GRAMD1B: variants seen among roughly 807,000 people sequenced by gnomAD.
The protein encoded by GRAMD1B is GRAM domain containing 1B, also known as protein Aster-B.
Under a neutral mutation model 99.7 loss-of-function variants are expected in GRAMD1B, and 37 were observed. That is an observed-to-expected ratio of 0.37 (90% CI 0.29 to 0.49). The LOEUF (loss-of-function observed/expected upper bound fraction) is 0.49, where lower values mean the gene tolerates loss of function less well. GRAMD1B is among the 20% of genes least tolerant of loss of function. GRAMD1B has a pLI of 0.98. For missense variants in GRAMD1B, 888 were observed against 1,009.2 expected (o/e 0.88, Z 1.63); for synonymous variants, 427 against 387.6 (o/e 1.10, Z -1.19).
intron 1 of GRAMD1B, among the ~76,000 whole-genome samples, chr11:123,410,966 A>C (rs961285852): frequency 6.6e-6 from 1 of 151,914 alleles, no homozygotes; most frequent in African/African-American, 2.4e-5. Context: ...CTCTGATAGC[A>C]CATCTCACTG....
rs115694580 is a variant in GRAMD1B at position 123,620,837 on chromosome 11, G to C, written c.2544+1613G>C. 8.7e-3 allele frequency among the ~76,000 whole-genome samples: 1,328 copies of C among 152,328 alleles called. 31 individuals carry two copies. Among genetic ancestry groups the C allele is most frequent in the African/African-American group, 0.03 (1,256 of 41,576 alleles). On this transcript the variant is annotated intron_variant, in intron 19 of 19. Transcript: ENST00000635736. ...ATGCAAACAACTTGTGGCTAATGCT[G>C]TCCAGCAATGGAACAGGCTACTGTA...
chr11:123,476,203 T>A (rs1480901509), intron 1 of GRAMD1B, among the ~76,000 whole-genome samples: 1 of 151,798 alleles, frequency 6.6e-6, no homozygotes, highest in Non-Finnish European at 1.5e-5. Context: ...CAGGTTCAAG[T>A]GATTCTCCTG....
intron 2 of GRAMD1B, among the ~76,000 whole-genome samples, chr11:123,546,052 A>G (rs1449037569): frequency 1.3e-5 from 2 of 152,262 alleles, no homozygotes; most frequent in Non-Finnish European, 2.9e-5. Flanking sequence ...AGGGCCCAGA[A>G]GCCACATCTA....
chr11:123,426,051 G>A (rs189883517), upstream of GRAMD1B, among the ~76,000 whole-genome samples: 202 of 152,292 alleles, frequency 1.3e-3, no homozygotes, highest in African/African-American at 4.5e-3. Flanking sequence ...AGCTATTTGT[G>A]GGTCTCAGGG....
At chr11:123,598,060 T>C in intron 7 of GRAMD1B, 4 of 1,463,074 alleles carry the variant, frequency 2.7e-6, no homozygotes, top group African/African-American at 1.4e-5. Flanking sequence ...CCTTCTGCAA[T>C]TTCAGTTTGG....
chr11:123,577,224 C>T, intron 2 of GRAMD1B, 143 bp from the exon 3 acceptor site: 1 of 715,616 alleles, frequency 1.4e-6, no homozygotes, highest in African/African-American at 1.7e-5. Context: ...GCCTGGGCCC[C>T]TCTCTCCCGG....
intron 1 of GRAMD1B, among the ~76,000 whole-genome samples, chr11:123,456,282 G>A (rs1950114179): frequency 6.6e-6 from 1 of 152,170 alleles, no homozygotes; most frequent in Admixed American, 6.5e-5. Flanking sequence ...GCACCAGAGG[G>A]TTAAGAAAAA....
At chr11:123,375,678 G>A (rs1465918229) in intron 1 of GRAMD1B, among the ~76,000 whole-genome samples, 1 of 152,174 alleles carries the variant, frequency 6.6e-6, no homozygotes, top group African/African-American at 2.4e-5. Context: ...CTTGAACACT[G>A]GGCAAGGTTT....
At position 123,619,155 on chromosome 11, in the gene GRAMD1B, A is replaced by G. The variant is rs1402669605; in HGVS notation, c.2475A>G (p.Gln825=). 1 of 1,571,492 alleles carries G rather than the reference A, an allele frequency of 6.4e-7. No individual in the cohort carries two copies. The highest frequency in any genetic ancestry group is 8.6e-7 in the Non-Finnish European group (1 of 1,158,228). Residue 825 remains glutamine, a synonymous_variant, in exon 19 of 20, where the codon CAA becomes CAG. Transcript: ENST00000635736. ...TEWAQLLESQ[Q]KYHDTELQKW... is the part of the protein sequence containing the mutation. ...GGGCCCAGCTCTTAGAGTCCCAACA[A>G]AAGTACCACGATACTGAGCTCCAAA... is the stretch of plus-strand genomic sequence containing the variant.
intron 2 of GRAMD1B, among the ~76,000 whole-genome samples, chr11:123,507,719 G>T (rs1215076695): frequency 6.6e-6 from 1 of 152,136 alleles, no homozygotes; most frequent in Non-Finnish European, 1.5e-5. Context: ...ATAGTCCCAA[G>T]ATTTTTTCCT....
At chr11:123,541,601 G>C (rs1275606115) in intron 2 of GRAMD1B, among the ~76,000 whole-genome samples, 2 of 150,240 alleles carry the variant, frequency 1.3e-5, no homozygotes, top group Non-Finnish European at 3.0e-5. Flanking sequence ...TTATTCGTTG[G>C]AACTCTTTAA....
At chr11:123,583,306 G>A (rs1304063596) in intron 3 of GRAMD1B, among the ~76,000 whole-genome samples, 4 of 150,314 alleles carry the variant, frequency 2.7e-5, no homozygotes, top group African/African-American at 9.8e-5. Context: ...GTGAATGTGT[G>A]TGTGCACGTG....
chr11:123,435,937 CTTTTTTTTTT>C (rs10647186), intron 1 of GRAMD1B, among the ~76,000 whole-genome samples: 5 of 95,704 alleles, frequency 5.2e-5, no homozygotes, highest in Admixed American at 2.8e-4. Flanking sequence ...GAAACTCATA[CTTTTTTTTTT>C]TTTTTTTTTT....
intron 8 of GRAMD1B, 131 bp downstream of exon 8, chr11:123,600,679 T>C (rs899591267): frequency 6.8e-6 from 4 of 586,614 alleles, no homozygotes; most frequent in Admixed American, 6.3e-5. Flanking sequence ...GTCCTGAAAG[T>C]AGCATATAAT....
chr11:123,409,812 C>T (rs2135962177), intron 1 of GRAMD1B, among the ~76,000 whole-genome samples: 1 of 152,282 alleles, frequency 6.6e-6, no homozygotes, highest in East Asian at 1.9e-4. Context: ...AACAACAAAA[C>T]CCACAACAAG....
intron 1 of GRAMD1B, among the ~76,000 whole-genome samples, chr11:123,477,326 C>G (rs1183013352): frequency 7.4e-6 from 1 of 134,930 alleles, no homozygotes; most frequent in East Asian, 2.4e-4. Context: ...CTCCTCCCCT[C>G]CCCTCCCCTA....
rs558179507 is a variant in GRAMD1B at position 123,471,131 on chromosome 11, T to A, written c.375-9685T>A. Among the ~76,000 whole-genome samples, 3 of 152,306 alleles carry A rather than the reference T, an allele frequency of 2.0e-5. No homozygotes were observed. The East Asian group carries it at 5.8e-4, about 29-fold the overall frequency. ...AGTGTGATAAGATCTCACAAAGAGA[T>A]GAATTGCAGTAGATTTTAACCTCAT... On this transcript the variant is annotated intron_variant, in intron 1 of 19. Transcript: ENST00000635736.
chr11:123,508,646 G>A (rs1469455367), intron 2 of GRAMD1B, among the ~76,000 whole-genome samples: 3 of 152,084 alleles, frequency 2.0e-5, no homozygotes, highest in Non-Finnish European at 4.4e-5. Flanking sequence ...TATAAAGTCA[G>A]ACTTGAACAG....
intron 3 of GRAMD1B, among the ~76,000 whole-genome samples, chr11:123,582,382 A>G (rs1949456335): frequency 6.6e-6 from 1 of 152,190 alleles, no homozygotes; most frequent in Non-Finnish European, 1.5e-5. Context: ...CTTTGTCAGG[A>G]AAAAATAGTT....
Sources: gnomAD v4.1 joint callset for allele counts (sites outside exome capture counted in the v4.1 genomes callset) on GRCh38, gnomAD v4.1.1 for gene constraint, MANE v1.5 for transcripts, NCBI Gene and HGNC (gene_info 2026-07-23, HGNC 2026-07-21) for gene names.